The following SLC24A3 variants were observed in gnomAD, a reference collection of about 807,000 sequenced individuals.
SLC24A3 encodes the protein solute carrier family 24 member 3.
SLC24A3 carries 28 observed loss-of-function variants against 75.8 expected under a neutral mutation model. That is an observed-to-expected ratio of 0.37 (90% confidence interval 0.27 to 0.51). The LOEUF is 0.51. Ranked by LOEUF, SLC24A3 falls within the 20% of genes least tolerant of loss-of-function variation. SLC24A3 has a pLI of 0.94. For synonymous variants in SLC24A3, 372 were observed against 334.1 expected (o/e 1.11, Z -1.24); for missense variants, 663 against 847.8 (o/e 0.78, Z 2.71).
At chr20:19,686,977 C>A (rs976572380) in intron 12 of SLC24A3, among the ~76,000 whole-genome samples, 2 of 152,206 alleles carry the variant, frequency 1.3e-5, no homozygotes, top group African/African-American at 4.8e-5. Flanking sequence ...GATTAAATGG[C>A]AAAACACTCC....
chr20:19,233,673 A>G (rs897907561), intron 1 of SLC24A3, among the ~76,000 whole-genome samples: 6 of 152,256 alleles, frequency 3.9e-5, no homozygotes, highest in African/African-American at 1.2e-4. Context: ...ATTTTCTGCT[A>G]TGAAGGACGG....
At chr20:19,516,068 G>A (rs1377925317) in intron 3 of SLC24A3, among the ~76,000 whole-genome samples, 1 of 152,200 alleles carries the variant, frequency 6.6e-6, no homozygotes, top group African/African-American at 2.4e-5. Context: ...GCATGTGGTA[G>A]GGACAGAACA....
At chr20:19,366,435 T>C (rs6136691) in intron 2 of SLC24A3, among the ~76,000 whole-genome samples, 8,673 of 152,316 alleles carry the variant, frequency 0.057, 694 homozygotes, top group East Asian at 0.29. Flanking sequence ...TGAAGAGTTT[T>C]CTTTTTTTGT....
At chr20:19,329,198 ATAG>A (rs1043643420) in intron 2 of SLC24A3, among the ~76,000 whole-genome samples, 1 of 152,204 alleles carries the variant, frequency 6.6e-6, no homozygotes, top group African/African-American at 2.4e-5. Flanking sequence ...GTGAAGTAGT[ATAG>A]TAGTTCATAG....
At chr20:19,324,167 TC>T (rs1984784490) in intron 2 of SLC24A3, among the ~76,000 whole-genome samples, 1 of 152,170 alleles carries the variant, frequency 6.6e-6, no homozygotes, top group Non-Finnish European at 1.5e-5. Context: ...AAATAATTCT[TC>T]CTGTTTCAGT....
chr20:19,435,943 C>T lies in SLC24A3; in HGVS notation c.272-79545C>T, dbSNP rs1008338016. Among the ~76,000 whole-genome samples, 4 of 152,138 alleles carry T rather than the reference C, an allele frequency of 2.6e-5. No individual in the cohort carries two copies. The East Asian group carries it at 5.8e-4, about 22-fold the overall frequency. On this transcript the variant is annotated intron_variant, in intron 2 of 16. Coordinates refer to ENST00000328041, the MANE Select transcript of SLC24A3 (RefSeq NM_020689.4). ...GTCTCTTGGGTCTGCAGCTTAATCA[C>T]CTGAAATTCTCTGTACCAAGTGACC... is the stretch of plus-strand genomic sequence containing the variant.
chr20:19,403,115 A>C (rs1179118442), intron 2 of SLC24A3, among the ~76,000 whole-genome samples: 3 of 152,222 alleles, frequency 2.0e-5, no homozygotes, highest in Non-Finnish European at 4.4e-5. Flanking sequence ...ATTTTGAGAC[A>C]TCACATAGAA....
At chr20:19,518,973 G>A (rs1370365194) in intron 3 of SLC24A3, among the ~76,000 whole-genome samples, 1 of 152,182 alleles carries the variant, frequency 6.6e-6, no homozygotes, top group Non-Finnish European at 1.5e-5. Flanking sequence ...GCCTTATCCA[G>A]GCAGGGGAGT....
intron 3 of SLC24A3, among the ~76,000 whole-genome samples, chr20:19,574,392 T>C (rs2031099442): frequency 6.6e-6 from 1 of 152,244 alleles, no homozygotes; most frequent in Non-Finnish European, 1.5e-5. Flanking sequence ...GCCACAATAA[T>C]GCTGCATAAC....
intron 15 of SLC24A3, among the ~76,000 whole-genome samples, chr20:19,710,995 T>G (rs1432768754): frequency 6.7e-6 from 1 of 149,972 alleles, no homozygotes; most frequent in Non-Finnish European, 1.5e-5. Context: ...ACTCTTGCCC[T>G]TTGCTATGCA....
chr20:19,463,448 GTTTTTCT>G (rs1987712382), intron 2 of SLC24A3, among the ~76,000 whole-genome samples: 3 of 152,174 alleles, frequency 2.0e-5, no homozygotes, highest in Middle Eastern at 3.2e-3. Context: ...TCACCACTGT[GTTTTTCT>G]ATTCGCAAGT....
chr20:19,655,436 G>A (rs1320936902), intron 7 of SLC24A3, among the ~76,000 whole-genome samples: 1 of 152,182 alleles, frequency 6.6e-6, no homozygotes, highest in Non-Finnish European at 1.5e-5. Context: ...ATTGAAATAG[G>A]AGTCGGGAGA....
At chr20:19,457,041 A>C (rs1987590171) in intron 2 of SLC24A3, among the ~76,000 whole-genome samples, 1 of 152,244 alleles carries the variant, frequency 6.6e-6, no homozygotes, top group Non-Finnish European at 1.5e-5. Context: ...TCCGTGAGCT[A>C]TCTGATGCTA....
chr20:19,385,898 A>C (rs1183415006), intron 2 of SLC24A3, among the ~76,000 whole-genome samples: 1 of 152,064 alleles, frequency 6.6e-6, no homozygotes, highest in Non-Finnish European at 1.5e-5. Context: ...CAGCCTTCCA[A>C]ACTGTTGGGA....
intron 1 of SLC24A3, among the ~76,000 whole-genome samples, chr20:19,260,790 T>C (rs1982959975): frequency 6.6e-6 from 1 of 152,216 alleles, no homozygotes; most frequent in East Asian, 1.9e-4. Context: ...TCATTCTCAG[T>C]ATGAGATGTG....
intron 3 of SLC24A3, among the ~76,000 whole-genome samples, chr20:19,556,407 C>G (rs947606164): frequency 6.6e-6 from 1 of 152,024 alleles, no homozygotes; most frequent in African/African-American, 2.4e-5. Flanking sequence ...CTCTCCCACC[C>G]CATCGTCCAA....
intron 2 of SLC24A3, among the ~76,000 whole-genome samples, chr20:19,301,414 GC>G (rs1984193902): frequency 6.6e-6 from 1 of 152,124 alleles, no homozygotes; most frequent in Non-Finnish European, 1.5e-5. Flanking sequence ...AAAGCATGCA[GC>G]CCAGAAATCG....
intron 2 of SLC24A3, among the ~76,000 whole-genome samples, chr20:19,453,621 T>C (rs539046642): frequency 1.3e-5 from 2 of 152,248 alleles, no homozygotes; most frequent in South Asian, 2.1e-4. Context: ...TGGAGACAGA[T>C]GGTCAGTGTT....
intron 2 of SLC24A3, among the ~76,000 whole-genome samples, chr20:19,289,881 T>C (rs916108664): frequency 2.0e-4 from 30 of 152,310 alleles, no homozygotes; most frequent in African/African-American, 6.5e-4. Flanking sequence ...GAGGGGCACC[T>C]CCAGGGCTCC....
Sources: gnomAD v4.1 joint callset for allele counts (sites outside exome capture counted in the v4.1 genomes callset) on GRCh38, gnomAD v4.1.1 for gene constraint, MANE v1.5 for transcripts, NCBI Gene and HGNC (gene_info 2026-07-23, HGNC 2026-07-21) for gene names.